Variants in AFF3 observed in about 807,000 individuals in gnomAD.
AFF3 encodes the protein ALF transcription elongation factor 3, also known as AF4/FMR2 family member 3.
Under a neutral mutation model 129.7 loss-of-function variants are expected in AFF3, and 32 were observed. That is an observed-to-expected ratio of 0.25 (90% CI 0.19 to 0.33). The LOEUF is 0.33. Among genes scored for constraint, AFF3 ranks in the 10% least tolerant of loss-of-function variants. The pLI, the probability that AFF3 is intolerant of heterozygous loss-of-function variation, is 1.00. For synonymous variants in AFF3, 644 were observed against 635.4 expected, an observed-to-expected ratio of 1.01 and a Z score of -0.20; for missense variants, 1,373 against 1,592.0, an observed-to-expected ratio of 0.86 and a Z score of 2.34.
intron 7 of AFF3, among the ~76,000 whole-genome samples, chr2:99,840,332 C>G (rs566463965): frequency 1.1e-4 from 16 of 152,216 alleles, no homozygotes; most frequent in Admixed American, 3.3e-4. Flanking sequence ...GTCTTTGATA[C>G]AATCGTCTGG....
At chr2:99,995,332 T>G (rs985817762) in intron 7 of AFF3, among the ~76,000 whole-genome samples, 8 of 152,072 alleles carry the variant, frequency 5.3e-5, no homozygotes, top group Admixed American at 5.2e-4. Context: ...AACTAAAGCC[T>G]CATCTTACGT....
intron 7 of AFF3, among the ~76,000 whole-genome samples, chr2:99,998,591 C>T (rs1289946716): frequency 6.6e-6 from 1 of 152,166 alleles, no homozygotes; most frequent in African/African-American, 2.4e-5. Flanking sequence ...CCTTTTGTTA[C>T]ACACATAAGG....
At chr2:99,645,172 G>A (rs1006094157) in intron 13 of AFF3, among the ~76,000 whole-genome samples, 2 of 152,012 alleles carry the variant, frequency 1.3e-5, no homozygotes, top group Non-Finnish European at 2.9e-5. Flanking sequence ...CCCCCTCTAC[G>A]AAAAGTCCAA....
intron 7 of AFF3, among the ~76,000 whole-genome samples, chr2:99,878,985 AGAGAG>A (rs1289004981): frequency 2.6e-5 from 4 of 152,222 alleles, no homozygotes; most frequent in Non-Finnish European, 5.9e-5. Context: ...AGGTAACTTC[AGAGAG>A]AAGATGTCAG....
rs996315857 is a variant in AFF3 at position 99,862,878 on chromosome 2, C to A, written c.874-25354G>T. 3.3e-5 allele frequency among the ~76,000 whole-genome samples: 5 copies of A among 152,212 alleles called. No homozygotes were observed. In the East Asian group the frequency reaches 9.6e-4, roughly 29 times the overall value. On this transcript the variant is annotated intron_variant, in intron 7 of 24. Coordinates refer to ENST00000672756, the MANE Select transcript of AFF3 (RefSeq NM_001386135.1). ...GTAGTTACAATGGCAATTAAAAAGA[C>A]CCCTTTGGTCATTCCACACTACTCT...
chr2:100,094,523 ATACAGATGAAGCT>A (rs1322494085), intron 4 of AFF3, among the ~76,000 whole-genome samples: 2 of 152,042 alleles, frequency 1.3e-5, no homozygotes, highest in Non-Finnish European at 2.9e-5. Context: ...GCAGCTGTAA[ATACAGATGAAGCT>A]TCTCTTGCTC....
At chr2:99,711,643 T>C (rs1260162287) in intron 11 of AFF3, among the ~76,000 whole-genome samples, 2 of 152,202 alleles carry the variant, frequency 1.3e-5, no homozygotes, top group Admixed American at 6.5e-5. Flanking sequence ...GCTGATGGTA[T>C]TTCTGAAAGA....
At chr2:99,600,047 A>C (rs1038694520) in intron 14 of AFF3, among the ~76,000 whole-genome samples, 1 of 152,222 alleles carries the variant, frequency 6.6e-6, no homozygotes, top group African/African-American at 2.4e-5. Flanking sequence ...TGAAGGAATA[A>C]TAATTTAGTT....
chr2:99,683,099 T>C (rs1229608562), intron 11 of AFF3, among the ~76,000 whole-genome samples: 1 of 152,028 alleles, frequency 6.6e-6, no homozygotes, highest in Non-Finnish European at 1.5e-5. Context: ...ATACCTAGAG[T>C]GGTTTCTCTT....
At position 99,944,716 on chromosome 2, in the gene AFF3, A is replaced by T. The variant is rs551607415; in HGVS notation, c.873+61916T>A. Among the ~76,000 whole-genome samples, 38 of 152,340 alleles carry T rather than the reference A, an allele frequency of 2.5e-4. No individual in the cohort carries two copies. In the East Asian group the frequency reaches 6.0e-3, roughly 24 times the overall value. On this transcript the variant is annotated intron_variant, in intron 7 of 24. Transcript: ENST00000672756. ...GCTTGGGGAAGGTACAAGAAGGATAAGACAAGGCATTGGGTGACAGAGCTG... is the reference window on the plus strand; with the variant it reads ...GCTTGGGGAAGGTACAAGAAGGATATGACAAGGCATTGGGTGACAGAGCTG...
intron 11 of AFF3, among the ~76,000 whole-genome samples, chr2:99,686,089 C>T (rs903412577): frequency 7.2e-5 from 11 of 152,198 alleles, no homozygotes; most frequent in Middle Eastern, 3.4e-3. Flanking sequence ...ACTCAGGAGG[C>T]TGAAGCAGGA....
At chr2:99,969,004 C>T (rs559753774) in intron 7 of AFF3, among the ~76,000 whole-genome samples, 1 of 152,290 alleles carries the variant, frequency 6.6e-6, no homozygotes, top group Non-Finnish European at 1.5e-5. Context: ...GCAGAAAGAG[C>T]ACAGCAGGCT....
At position 99,949,823 on chromosome 2, in the gene AFF3, C is replaced by T. The variant is rs202044379; in HGVS notation, c.873+56809G>A. ...AACAGGCCACTGACCAGTAGCGGTC[C>T]GTGGCCCAGGGGTTGGGGACTCTTG... On this transcript the variant is annotated intron_variant, in intron 7 of 24. Coordinates refer to ENST00000672756, the MANE Select transcript of AFF3 (RefSeq NM_001386135.1). 1.3e-3 allele frequency among the ~76,000 whole-genome samples: 193 copies of T among 152,230 alleles called. 1 individual carries two copies. The highest frequency in any genetic ancestry group is 2.1e-3 in the East Asian group (11 of 5,184).
At chr2:99,988,163 G>A (rs1559035689) in intron 7 of AFF3, among the ~76,000 whole-genome samples, 1 of 152,208 alleles carries the variant, frequency 6.6e-6, no homozygotes, top group Non-Finnish European at 1.5e-5. Flanking sequence ...CAACAGAGAA[G>A]CCAGGGAGTG....
intron 2 of AFF3, among the ~76,000 whole-genome samples, chr2:100,128,576 T>C (rs1429969608): frequency 1.3e-5 from 2 of 152,158 alleles, no homozygotes; most frequent in Non-Finnish European, 2.9e-5. Flanking sequence ...ACGTTGGTTA[T>C]TGTTATTTGG....
chr2:99,856,535 A>G (rs758377059), intron 7 of AFF3, among the ~76,000 whole-genome samples: 32 of 152,224 alleles, frequency 2.1e-4, no homozygotes, highest in Non-Finnish European at 3.8e-4. Context: ...AAGAGTACAG[A>G]TAACATTGAA....
chr2:100,010,474 T>A (rs2104766562), intron 4 of AFF3, among the ~76,000 whole-genome samples: 1 of 152,270 alleles, frequency 6.6e-6, no homozygotes. Context: ...GGCATTTAAT[T>A]TAAATTTAAG....
At chr2:99,849,190 C>G (rs971510845) in intron 7 of AFF3, among the ~76,000 whole-genome samples, 1 of 151,890 alleles carries the variant, frequency 6.6e-6, no homozygotes, top group Non-Finnish European at 1.5e-5. Flanking sequence ...GAGGACTCAC[C>G]CCAGTTAGAT....
rs890275704 is a variant in AFF3, at chr2:99,794,049, C to T, written c.922-41748G>A. Among the ~76,000 whole-genome samples, 11 of 152,266 alleles carry T rather than the reference C, an allele frequency of 7.2e-5. No individual in the cohort carries two copies. The East Asian group carries it at 2.1e-3, about 29-fold the overall frequency. ...TTTAGAAATATGTTGTTTCATTTCC[C>T]CATATTGGGGGATTTTCCAGATATC... On this transcript the variant is annotated intron_variant, in intron 8 of 24. Transcript: ENST00000672756.
Sources: allele counts gnomAD v4.1 joint callset (sites outside exome capture counted in the v4.1 genomes callset), GRCh38; gene constraint gnomAD v4.1.1; transcripts MANE v1.5; gene names NCBI Gene and HGNC (gene_info 2026-07-23, HGNC 2026-07-21).